The following KIF26B variants were observed in gnomAD, a reference collection of about 807,000 sequenced individuals.
KIF26B encodes the protein kinesin-like protein KIF26B.
A neutral mutation model predicts 151.2 loss-of-function variants in KIF26B; 63 were observed. The ratio of observed to expected loss-of-function variants is 0.42; its 90% CI spans 0.34 to 0.51. The LOEUF (loss-of-function observed/expected upper bound fraction) is 0.51, where lower values mean the gene tolerates loss of function less well. Ranked by LOEUF, KIF26B falls within the 20% of genes least tolerant of loss-of-function variation. The pLI, the probability that KIF26B is intolerant of heterozygous loss-of-function variation, is 0.07. For synonymous variants in KIF26B, 1,357 were observed against 1,262.1 expected (o/e 1.08, Z -1.59); for missense variants, 2,813 against 2,913.6 (o/e 0.97, Z 0.79).
chr1:245,544,803 A>G (rs890278153), intron 5 of KIF26B, among the ~76,000 whole-genome samples: 6 of 152,168 alleles, frequency 3.9e-5, no homozygotes, highest in African/African-American at 9.7e-5. Context: ...AGGAAGGGGA[A>G]TAACAGCCAA....
chr1:245,292,526 C>A (rs186870255), intron 2 of KIF26B, among the ~76,000 whole-genome samples: 4 of 152,308 alleles, frequency 2.6e-5, no homozygotes, highest in Admixed American at 2.6e-4. Flanking sequence ...CCTGCCTCTA[C>A]TTCCCCCTTG....
At chr1:245,531,539 T>TAGAC (rs1251995744) in intron 4 of KIF26B, among the ~76,000 whole-genome samples, 1 of 152,196 alleles carries the variant, frequency 6.6e-6, no homozygotes, top group Non-Finnish European at 1.5e-5. Context: ...ATCCAAGGTC[T>TAGAC]AAGCATTGTC....
chr1:245,366,889 G>A lies in KIF26B; in HGVS notation c.521G>A (p.Arg174Gln), dbSNP rs776974187. 1.2e-4 allele frequency: 197 copies of A among 1,613,870 alleles called. No homozygotes were observed. Among genetic ancestry groups the A allele is most frequent in the Non-Finnish European group, 1.6e-4 (189 of 1,179,898 alleles). The change falls in exon 3 of 15, where the codon CGG (arginine) becomes CAG (glutamine). Residue 174 changes from arginine (R) to glutamine (Q), a missense_variant. Arg to Gln is a conservative substitution (Grantham distance 43). Around this residue, in one of 3 missense-constraint regions of KIF26B, gnomAD observed 676 missense variants for 688.1 expected, o/e 0.98. Transcript: ENST00000407071. ...AAACTCCAGGTCCCCAACACCATCCGGAAGGCATGGAACGACCGGGACAAC... is the reference window on the plus strand; with the variant it reads ...AAACTCCAGGTCCCCAACACCATCCAGAAGGCATGGAACGACCGGGACAAC... ...HDKLQVPNTI[R>Q]KAWNDRDNRC...
At chr1:245,624,385 T>C (rs1351042581) in intron 9 of KIF26B, among the ~76,000 whole-genome samples, 2 of 152,216 alleles carry the variant, frequency 1.3e-5, no homozygotes, top group Non-Finnish European at 2.9e-5. Context: ...TACTATTTTA[T>C]ATGGGGAGTT....
In KIF26B at chr1:245,562,225, A is replaced by T. The variant is rs375440675; in HGVS notation, c.1350+21275A>T. Among the ~76,000 whole-genome samples, 182 of 152,166 alleles carry T rather than the reference A, an allele frequency of 1.2e-3. 2 individuals are homozygous for T. In the South Asian group the frequency reaches 0.03, roughly 25 times the overall value. ...GGAGGGTAGGGAAGGTCACAAATTA[A>T]ACAGCAGATTAGAGGACAGAAATTC... On this transcript the variant is annotated intron_variant, in intron 5 of 14. Transcript: ENST00000407071.
intron 2 of KIF26B, among the ~76,000 whole-genome samples, chr1:245,302,215 T>C (rs1041485075): frequency 2.0e-4 from 31 of 152,234 alleles, no homozygotes; most frequent in African/African-American, 7.5e-4. Context: ...TGTTTGTTGA[T>C]ATGTAATCAA....
intron 4 of KIF26B, among the ~76,000 whole-genome samples, chr1:245,476,699 C>T (rs567807638): frequency 3.3e-5 from 5 of 151,442 alleles, no homozygotes; most frequent in South Asian, 2.1e-4. Context: ...TCATGCCCAG[C>T]GATTTTTTGT....
rs1055902503 is a variant in KIF26B at position 245,473,896 on chromosome 1, T to C, written c.1166+54151T>C. Among the ~76,000 whole-genome samples, 6 of 151,820 alleles carry C rather than the reference T, an allele frequency of 4.0e-5. 1 individual carries two copies. Among genetic ancestry groups the C allele is most frequent in the Non-Finnish European group, 7.4e-5 (5 of 67,842 alleles). On this transcript the variant is annotated intron_variant, in intron 4 of 14. Coordinates refer to ENST00000407071, the MANE Select transcript of KIF26B (RefSeq NM_018012.4). ...CTCTCTCGGTTTTTTTATTGATACA[T>C]AATAGAGGTACATATTTTGGGGGTG...
At chr1:245,529,789 C>T (rs1661320690) in intron 4 of KIF26B, among the ~76,000 whole-genome samples, 1 of 152,138 alleles carries the variant, frequency 6.6e-6, no homozygotes. Flanking sequence ...GAACACCCCA[C>T]AAGCACAGGT....
chr1:245,506,801 C>T (rs534879525), intron 4 of KIF26B, among the ~76,000 whole-genome samples: 1 of 152,354 alleles, frequency 6.6e-6, no homozygotes, highest in Admixed American at 6.5e-5. Context: ...CTGCCTCAGC[C>T]TCCCAAGTAG....
intron 5 of KIF26B, among the ~76,000 whole-genome samples, chr1:245,583,884 A>G (rs2103131124): frequency 6.6e-6 from 1 of 152,282 alleles, no homozygotes; most frequent in Middle Eastern, 3.4e-3. Flanking sequence ...ACCAAATCCA[A>G]ACATCATTCT....
chr1:245,377,062 G>A lies in KIF26B; in HGVS notation c.999+9695G>A, dbSNP rs778750913. 6.6e-5 allele frequency among the ~76,000 whole-genome samples: 10 copies of A among 150,814 alleles called. No individual in the cohort carries two copies. The East Asian group carries it at 9.8e-4, about 15-fold the overall frequency. Reference sequence around the variant, plus strand: ...CCTGAGTAGCTGAGATTACAGGCACGCATCACCACGCCTGGCTAATTTTTG... The same window carrying A: ...CCTGAGTAGCTGAGATTACAGGCACACATCACCACGCCTGGCTAATTTTTG... On this transcript the variant is annotated intron_variant, in intron 3 of 14. Transcript: ENST00000407071.
Position 245,488,131 on chromosome 1 carries a change from A to G in KIF26B, c.1167-52636A>G, listed in dbSNP as rs1660322206. Among the ~76,000 whole-genome samples the G allele has an allele frequency of 6.6e-6, 1 of 152,056 alleles. No individual in the cohort carries two copies. The highest frequency in any genetic ancestry group is 6.6e-5 in the Admixed American group (1 of 15,262). On this transcript the variant is annotated intron_variant, in intron 4 of 14. Coordinates refer to ENST00000407071, the MANE Select transcript of KIF26B (RefSeq NM_018012.4). This position sits in a 1 kb window ranked among gnomAD's most constrained non-coding sequence, Gnocchi z 4.6. ...AGGTGGAGGTCTCATTATGTTGCACAGGCTGGTTTCAAACTCCTGGACTCA... is the reference window on the plus strand; with the variant it reads ...AGGTGGAGGTCTCATTATGTTGCACGGGCTGGTTTCAAACTCCTGGACTCA...
At chr1:245,320,003 C>T (rs181375151) in intron 2 of KIF26B, among the ~76,000 whole-genome samples, 12 of 152,248 alleles carry the variant, frequency 7.9e-5, no homozygotes, top group African/African-American at 2.6e-4. Flanking sequence ...TTGTGTCATT[C>T]ATTTAGAATG....
chr1:245,537,652 T>C (rs769966665), intron 4 of KIF26B, among the ~76,000 whole-genome samples: 6 of 152,150 alleles, frequency 3.9e-5, no homozygotes, highest in Non-Finnish European at 8.8e-5. Context: ...TGATGGATTA[T>C]GTGTGAGAAG....
chr1:245,320,193 G>T (rs759591214), intron 2 of KIF26B, among the ~76,000 whole-genome samples: 1 of 152,190 alleles, frequency 6.6e-6, no homozygotes, highest in Non-Finnish European at 1.5e-5. Context: ...GCAATGTGCC[G>T]TGCACACCAC....
chr1:245,266,182 A>C (rs1368289409), intron 2 of KIF26B, among the ~76,000 whole-genome samples: 2 of 152,204 alleles, frequency 1.3e-5, no homozygotes, highest in Non-Finnish European at 2.9e-5. Flanking sequence ...ATAGTTAATA[A>C]ACCTATGAAA....
intron 10 of KIF26B, among the ~76,000 whole-genome samples, chr1:245,659,767 G>A (rs941682709): frequency 4.6e-5 from 7 of 151,888 alleles, no homozygotes; most frequent in African/African-American, 1.5e-4. Flanking sequence ...GGCCGGGCGC[G>A]GTGGCTCACA....
chr1:245,641,317 ACTTG>A (rs2043890038), intron 9 of KIF26B, among the ~76,000 whole-genome samples: 1 of 116,668 alleles, frequency 8.6e-6, no homozygotes, highest in African/African-American at 3.8e-5. Flanking sequence ...GGGTCTTCTC[ACTTG>A]GGTTGAATCT....
Sources: allele counts gnomAD v4.1 joint callset (sites outside exome capture counted in the v4.1 genomes callset), GRCh38; gene constraint gnomAD v4.1.1; regional missense constraint gnomAD v4.1.1; non-coding constraint Gnocchi (gnomAD v3.1); transcripts MANE v1.5; gene names NCBI Gene and HGNC (gene_info 2026-07-23, HGNC 2026-07-21).